Variants in IPO11 observed in about 807,000 individuals in gnomAD.
IPO11 encodes the protein importin-11.
In IPO11, 66 loss-of-function variants were observed where a neutral mutation model predicts 143.2. The observed-to-expected ratio is 0.46, with a 90% CI of 0.38 to 0.57. IPO11 has a LOEUF of 0.57. Among genes scored for constraint, IPO11 ranks in the 20% least tolerant of loss-of-function variants. The pLI, the probability that IPO11 is intolerant of heterozygous loss-of-function variation, is 0.00. For synonymous variants in IPO11, 385 were observed against 377.8 expected (o/e 1.02, Z -0.22); for missense variants, 1,026 against 1,141.0 (o/e 0.90, Z 1.45).
chr5:62,497,061 A>T (rs1456408064), intron 16 of IPO11, among the ~76,000 whole-genome samples: 1 of 152,212 alleles, frequency 6.6e-6, no homozygotes, highest in Admixed American at 6.5e-5. Context: ...TGGCTTTCAG[A>T]ATCTGCATTC....
At chr5:62,626,872 A>G (rs1746600275) in intron 29 of IPO11, among the ~76,000 whole-genome samples, 1 of 152,196 alleles carries the variant, frequency 6.6e-6, no homozygotes, top group South Asian at 2.1e-4. Context: ...AATGCTTTCT[A>G]CTAGGCTTTG....
chr5:62,539,354 C>G (rs1742846723), intron 24 of IPO11, among the ~76,000 whole-genome samples: 1 of 152,144 alleles, frequency 6.6e-6, no homozygotes, highest in Non-Finnish European at 1.5e-5. Context: ...TGATGTTCTC[C>G]TGGTATCTGT....
intron 1 of IPO11, among the ~76,000 whole-genome samples, chr5:62,427,269 G>T (rs1478697330): frequency 3.3e-5 from 5 of 151,958 alleles, no homozygotes; most frequent in African/African-American, 1.2e-4. Flanking sequence ...GGAGTTTGCA[G>T]GTTTTTTGAA....
intron 24 of IPO11, among the ~76,000 whole-genome samples, chr5:62,548,896 A>AT (rs1352621937): frequency 5.3e-5 from 8 of 151,594 alleles, no homozygotes; most frequent in Non-Finnish European, 8.8e-5. Context: ...CCCTCTTAAA[A>AT]TTTTTTTTCT....
intron 3 of IPO11, 197 bp from the exon 4 acceptor site, chr5:62,449,730 T>C: frequency 2.4e-6 from 1 of 409,744 alleles, no homozygotes; most frequent in Non-Finnish European, 4.4e-6. Flanking sequence ...TTAGGGACAG[T>C]TGTTTAGAAA....
chr5:62,467,004 T>C lies in IPO11; in HGVS notation c.517-127T>C, dbSNP rs566410284. 23 of 838,250 alleles carry C rather than the reference T, an allele frequency of 2.7e-5. No individual in the cohort carries two copies. In the African/African-American group the frequency reaches 3.6e-4, roughly 13 times the overall value. The allele number at this position is 838,250 out of a possible 1,614,324, so 51.9% of individuals were successfully genotyped here. A position where few individuals can be genotyped will look rare whatever the true frequency, so the allele number is the denominator to read the frequency against. ...ATGAAACATTGCCACAAATATTCTT[T>C]GACTATTTCAGATCTCTCAGAAAAT... On this transcript the variant is annotated intron_variant, in intron 5 of 29. Coordinates refer to ENST00000325324, the MANE Select transcript of IPO11 (RefSeq NM_016338.5).
chr5:62,526,760 G>T (rs961327933), intron 21 of IPO11: 1 of 152,776 alleles, frequency 6.5e-6, no homozygotes, highest in African/African-American at 2.4e-5. Context: ...AAGGCTTATT[G>T]ACTGCCCACG....
At chr5:62,612,324 T>C (rs56098814) in intron 29 of IPO11, among the ~76,000 whole-genome samples, 1,913 of 152,282 alleles carry the variant, frequency 0.013, 16 homozygotes, top group Non-Finnish European at 0.019. Flanking sequence ...TCTATTGATA[T>C]GGTTTCAGAG....
intron 24 of IPO11, among the ~76,000 whole-genome samples, chr5:62,548,710 T>G (rs1743293191): frequency 6.6e-6 from 1 of 152,134 alleles, no homozygotes; most frequent in Admixed American, 6.5e-5. Flanking sequence ...TTTCTGTGTT[T>G]TTTGGAGTGG....
chr5:62,424,923 CAA>C lies in IPO11; in HGVS notation c.-7+11998_-7+11999del, dbSNP rs558499425. Among the ~76,000 whole-genome samples, 23 of 152,220 alleles carry C rather than the reference CAA, an allele frequency of 1.5e-4. 1 individual carries two copies. The East Asian group carries it at 4.2e-3, about 28-fold the overall frequency. On this transcript the variant is annotated intron_variant, in intron 1 of 29. Transcript: ENST00000325324. ...CTTCATATTTACCTTGAGTAGAACT[CAA>C]AAACACATTCATGTCTTTACCTCAA...
chr5:62,516,393 A>G (rs950135413), intron 20 of IPO11, among the ~76,000 whole-genome samples: 1 of 152,060 alleles, frequency 6.6e-6, no homozygotes, highest in African/African-American at 2.4e-5. Flanking sequence ...TCCTGGGTTC[A>G]AGCAAGTCTC....
At chr5:62,589,174 C>G (rs1470985942) in intron 27 of IPO11, among the ~76,000 whole-genome samples, 1 of 152,218 alleles carries the variant, frequency 6.6e-6, no homozygotes, top group East Asian at 1.9e-4. Flanking sequence ...CTCTACTGGT[C>G]CATTTCCCTC....
intron 24 of IPO11, among the ~76,000 whole-genome samples, chr5:62,541,052 A>G (rs1369731060): frequency 6.6e-6 from 1 of 152,246 alleles, no homozygotes; most frequent in Non-Finnish European, 1.5e-5. Context: ...TGCATATTTC[A>G]GCTGGCTCTT....
At chr5:62,573,134 C>T (rs979834913) in intron 27 of IPO11, among the ~76,000 whole-genome samples, 1 of 152,102 alleles carries the variant, frequency 6.6e-6, no homozygotes, top group African/African-American at 2.4e-5. Context: ...GCAAGCTCTG[C>T]CTCCCGGCTT....
rs889720591 is a variant in IPO11, at chr5:62,551,217, G to T, written c.2347-6G>T. 2 of 1,495,578 alleles carry T rather than the reference G, an allele frequency of 1.3e-6. No individual in the cohort carries two copies. Among genetic ancestry groups the T allele is most frequent in the Non-Finnish European group, 1.9e-6 (2 of 1,076,556 alleles). The allele number at this position is 1,495,578 out of a possible 1,614,324, so 92.6% of individuals were successfully genotyped here. ...ATTTTACATGTGTTGTATTTTAATT[G>T]TACAGAGGTATCCTGTAGTGATGTC... is the stretch of plus-strand genomic sequence containing the variant. On this transcript the variant is annotated splice_polypyrimidine_tract_variant and splice_region_variant and intron_variant, in intron 25 of 29. Transcript: ENST00000325324.
chr5:62,498,013 A>T (rs1308865102), intron 16 of IPO11, among the ~76,000 whole-genome samples: 1 of 151,238 alleles, frequency 6.6e-6, no homozygotes, highest in Non-Finnish European at 1.5e-5. Context: ...CTCTACTTGA[A>T]TATTGTTTTT....
At chr5:62,591,774 T>C in intron 28 of IPO11, 102 bp downstream of exon 28, 2 of 660,418 alleles carry the variant, frequency 3.0e-6, no homozygotes, top group Non-Finnish European at 4.9e-6. Flanking sequence ...GTATGAAAGT[T>C]TTATAATTTC....
At chr5:62,528,340 G>C (rs1214897320) in intron 21 of IPO11, among the ~76,000 whole-genome samples, 1 of 152,096 alleles carries the variant, frequency 6.6e-6, no homozygotes, top group South Asian at 2.1e-4. Context: ...TCACCGGAGT[G>C]GTAAGAACAG....
rs985276004 is a variant in IPO11 at position 62,544,936 on chromosome 5, C to G, written c.2251-5431C>G. On this transcript the variant is annotated intron_variant, in intron 24 of 29. Coordinates refer to ENST00000325324, the MANE Select transcript of IPO11 (RefSeq NM_016338.5). ...GGGAGAACTACAAACCACTGCTCAA[C>G]GAAATAAAAGAGGACACAAACAAAT... 5.9e-5 allele frequency among the ~76,000 whole-genome samples: 9 copies of G among 152,052 alleles called. No individual in the cohort carries two copies. In the South Asian group the frequency reaches 1.2e-3, roughly 21 times the overall value.
Sources: allele counts gnomAD v4.1 joint callset (sites outside exome capture counted in the v4.1 genomes callset), GRCh38; gene constraint gnomAD v4.1.1; transcripts MANE v1.5; gene names NCBI Gene and HGNC (gene_info 2026-07-23, HGNC 2026-07-21).